Variants in GRIP1 observed in about 807,000 individuals in gnomAD.
GRIP1 encodes the protein glutamate receptor interacting protein 1.
Under a neutral mutation model 129.9 loss-of-function variants are expected in GRIP1, and 45 were observed. That is an observed-to-expected ratio of 0.35 (90% CI 0.27 to 0.44). GRIP1 has a LOEUF of 0.44. Ranked by LOEUF, GRIP1 falls within the 20% of genes least tolerant of loss-of-function variation. GRIP1 has a pLI of 1.00. For missense variants in GRIP1, 1,196 were observed against 1,396.8 expected (o/e 0.86, Z 2.29); for synonymous variants, 530 against 520.8 (o/e 1.02, Z -0.24).
chr12:66,767,671 C>T (rs2037686649), intron 1 of GRIP1, among the ~76,000 whole-genome samples: 1 of 151,756 alleles, frequency 6.6e-6, no homozygotes. Flanking sequence ...CTGCAACCAA[C>T]ATGAGAGAAA....
chr12:66,436,659 G>A (rs2058314172), intron 13 of GRIP1, among the ~76,000 whole-genome samples: 1 of 152,156 alleles, frequency 6.6e-6, no homozygotes, highest in African/African-American at 2.4e-5. Flanking sequence ...TTACTATGCT[G>A]TTTGTGGAGT....
intron 1 of GRIP1, among the ~76,000 whole-genome samples, chr12:66,736,819 C>T (rs1333503472): frequency 6.6e-6 from 1 of 151,898 alleles, no homozygotes; most frequent in East Asian, 1.9e-4. Flanking sequence ...CATAAAGATA[C>T]ATTGGAACTA....
chr12:66,780,919 T>G (rs2038138311), intron 1 of GRIP1, among the ~76,000 whole-genome samples: 1 of 152,108 alleles, frequency 6.6e-6, no homozygotes, highest in Non-Finnish European at 1.5e-5. Flanking sequence ...ATACCTACAG[T>G]TGAGCTGAGG....
chr12:66,436,254 A>G (rs2058299693), intron 13 of GRIP1, among the ~76,000 whole-genome samples: 1 of 152,240 alleles, frequency 6.6e-6, no homozygotes, highest in Non-Finnish European at 1.5e-5. Flanking sequence ...CCACACCGTA[A>G]TTCATCAATG....
chr12:66,815,854 T>TTCTTTCTTTCTTTCTTTCTTTCTTTC lies in GRIP1; in HGVS notation c.59-218928_59-218927insGAAAGAAAGAAAGAAAGAAAGAAAGA, dbSNP rs1555241802. ...TTTCTTTCTTTCTTTCTTTCTTTCT[T>TTCTTTCTTTCTTTCTTTCTTTCTTTC]TCTCTCTCTCTCTCTCTCTCTCTCT... On this transcript the variant is annotated intron_variant, in intron 1 of 1. Coordinates refer to the GRIP1 transcript ENST00000643019. Among the ~76,000 whole-genome samples, 531 of 116,666 alleles carry TTCTTTCTTTCTTTCTTTCTTTCTTTC rather than the reference T, an allele frequency of 4.6e-3. 3 individuals are homozygous for TTCTTTCTTTCTTTCTTTCTTTCTTTC. Among genetic ancestry groups the TTCTTTCTTTCTTTCTTTCTTTCTTTC allele is most frequent in the African/African-American group, 0.016 (483 of 30,688 alleles). 76.5% of individuals were successfully genotyped at this position (116,666 alleles called of 152,430 possible).
intron 3 of GRIP1, among the ~76,000 whole-genome samples, chr12:66,541,219 C>T (rs375064575): frequency 2.0e-4 from 31 of 152,280 alleles, no homozygotes; most frequent in African/African-American, 7.0e-4. Context: ...GACATTCTGC[C>T]TTTGGCAATA....
At chr12:66,785,918 C>T (rs927004778) in intron 1 of GRIP1, among the ~76,000 whole-genome samples, 9 of 151,478 alleles carry the variant, frequency 5.9e-5, no homozygotes, top group Non-Finnish European at 1.0e-4. Flanking sequence ...TCCAACTCTA[C>T]AAAAAAATTT....
intron 1 of GRIP1, among the ~76,000 whole-genome samples, chr12:66,895,052 C>T (rs2040722847): frequency 6.6e-6 from 1 of 152,108 alleles, no homozygotes; most frequent in Non-Finnish European, 1.5e-5. Context: ...AGATTGTCAG[C>T]CTCTGGTACC....
At chr12:66,706,873 G>A (rs1402498930) in intron 1 of GRIP1, among the ~76,000 whole-genome samples, 3 of 151,958 alleles carry the variant, frequency 2.0e-5, no homozygotes, top group Admixed American at 6.6e-5. Flanking sequence ...TTGGTGGGTG[G>A]TGGCTGAGGG....
intron 1 of GRIP1, among the ~76,000 whole-genome samples, chr12:66,850,504 TTCTA>T (rs1235435978): frequency 1.3e-5 from 2 of 152,140 alleles, no homozygotes; most frequent in Admixed American, 6.6e-5. Context: ...ACCTCACATT[TTCTA>T]TCTTGAAGTC....
intron 22 of GRIP1, 88 bp from the exon 23 acceptor site, chr12:66,372,015 C>T (rs980805366): frequency 1.3e-5 from 11 of 877,136 alleles, no homozygotes; most frequent in East Asian, 4.9e-5. Context: ...TCTCCTTCTG[C>T]GAGGTAAAAA....
chr12:66,824,743 A>G (rs1230787476), intron 1 of GRIP1, among the ~76,000 whole-genome samples: 2 of 152,238 alleles, frequency 1.3e-5, no homozygotes, highest in African/African-American at 4.8e-5. Context: ...TTCAGAGCAG[A>G]AATAAGAAGG....
intron 1 of GRIP1, among the ~76,000 whole-genome samples, chr12:66,723,248 C>T (rs1426707856): frequency 8.5e-4 from 6 of 7,086 alleles, no homozygotes; most frequent in African/African-American, 2.1e-3. Flanking sequence ...CTCTTCCTTC[C>T]TTCCTTCCTT....
chr12:66,866,111 C>T (rs2040200900), intron 1 of GRIP1, among the ~76,000 whole-genome samples: 1 of 152,056 alleles, frequency 6.6e-6, no homozygotes, highest in Non-Finnish European at 1.5e-5. Context: ...GATTTAAAAA[C>T]CTATCATCAT....
Position 66,736,346 on chromosome 12 carries a change from A to ATTTTTTT in GRIP1, c.-420+67700_-420+67706dup, listed in dbSNP as rs547706592. Among the ~76,000 whole-genome samples the ATTTTTTT allele has an allele frequency of 2.5e-4, 17 of 67,018 alleles. 2 individuals carry two copies. Among genetic ancestry groups the ATTTTTTT allele is most frequent in the Non-Finnish European group, 4.7e-4 (17 of 36,456 alleles). 44.0% of individuals were successfully genotyped at this position (67,018 alleles called of 152,430 possible). ...AGGTGTGCACCACCGTGCCTGGCTA[A>ATTTTTTT]TTTTTTTTTTTTTTTTTTTTTTTTT... On this transcript the variant is annotated intron_variant, in intron 1 of 4. Coordinates refer to the GRIP1 transcript ENST00000538373.
chr12:66,460,279 C>G (rs533552228), intron 9 of GRIP1, among the ~76,000 whole-genome samples: 72 of 152,290 alleles, frequency 4.7e-4, no homozygotes, highest in South Asian at 6.2e-4. Context: ...TTGTATCATT[C>G]CATGGTGACG....
intron 1 of GRIP1, among the ~76,000 whole-genome samples, chr12:66,831,138 G>T (rs1235079490): frequency 6.6e-6 from 1 of 152,068 alleles, no homozygotes; most frequent in South Asian, 2.1e-4. Context: ...ACAGGTGCGA[G>T]CTACGGCACA....
intron 1 of GRIP1, among the ~76,000 whole-genome samples, chr12:66,599,760 C>T (rs1199559912): frequency 1.3e-5 from 2 of 151,996 alleles, no homozygotes; most frequent in Non-Finnish European, 2.9e-5. Context: ...TAGATATATC[C>T]CTAGAATTTC....
intron 1 of GRIP1, among the ~76,000 whole-genome samples, chr12:66,916,617 T>C (rs938566020): frequency 1.3e-5 from 2 of 152,182 alleles, no homozygotes; most frequent in Non-Finnish European, 2.9e-5. Flanking sequence ...TATCTACCAT[T>C]ACTTCAAAAT....
Sources: gnomAD v4.1 joint callset for allele counts (sites outside exome capture counted in the v4.1 genomes callset) on GRCh38, gnomAD v4.1.1 for gene constraint, MANE v1.5 for transcripts, NCBI Gene and HGNC (gene_info 2026-07-23, HGNC 2026-07-21) for gene names.